DKK2: variants seen among roughly 807,000 people sequenced by gnomAD.
DKK2 encodes the protein dickkopf Wnt signaling pathway inhibitor 2.
DKK2 carries 11 observed loss-of-function variants against 28.1 expected under a neutral mutation model. The ratio of observed to expected loss-of-function variants is 0.39; its 90% CI spans 0.25 to 0.65. DKK2 has a LOEUF of 0.65. Among genes scored for constraint, DKK2 ranks in the 30% least tolerant of loss-of-function variants. DKK2 has a pLI of 0.47. For synonymous variants in DKK2, 135 were observed against 126.5 expected, an observed-to-expected ratio of 1.07 and a Z score of -0.45; for missense variants, 326 against 335.5, an observed-to-expected ratio of 0.97 and a Z score of 0.22.
At chr4:106,938,443 C>A (rs533000146) in intron 1 of DKK2, among the ~76,000 whole-genome samples, 8 of 152,104 alleles carry the variant, frequency 5.3e-5, no homozygotes, top group Non-Finnish European at 1.2e-4. Context: ...TCTGAATAGA[C>A]CAATAACAGG....
At chr4:106,950,371 T>C (rs1724841307) in intron 1 of DKK2, among the ~76,000 whole-genome samples, 1 of 152,180 alleles carries the variant, frequency 6.6e-6, no homozygotes, top group Admixed American at 6.6e-5. Flanking sequence ...TGTGCATTGC[T>C]GCCACTCTAT....
chr4:106,924,975 G>A (rs1724405599), intron 2 of DKK2, among the ~76,000 whole-genome samples: 1 of 152,152 alleles, frequency 6.6e-6, no homozygotes, highest in Non-Finnish European at 1.5e-5. Context: ...CAAAGTTATT[G>A]TGAATATATG....
intron 1 of DKK2, among the ~76,000 whole-genome samples, chr4:106,955,877 GCACTCC>G (rs1394238102): frequency 6.6e-6 from 1 of 152,084 alleles, no homozygotes; most frequent in Non-Finnish European, 1.5e-5. Flanking sequence ...CCCTCCTCCT[GCACTCC>G]AGCTTAGAAA....
At chr4:106,944,304 C>T (rs933681064) in intron 1 of DKK2, among the ~76,000 whole-genome samples, 4 of 152,076 alleles carry the variant, frequency 2.6e-5, no homozygotes, top group African/African-American at 9.7e-5. Context: ...ACAAGGTTCT[C>T]ACCAGCTATG....
intron 1 of DKK2, among the ~76,000 whole-genome samples, chr4:106,939,029 GCATTCC>G (rs1724647119): frequency 6.6e-6 from 1 of 152,030 alleles, no homozygotes; most frequent in Non-Finnish European, 1.5e-5. Context: ...AAAACTGGAA[GCATTCC>G]CATTGAAAAC....
chr4:106,991,328 C>T (rs1723200590), intron 1 of DKK2, among the ~76,000 whole-genome samples: 1 of 152,056 alleles, frequency 6.6e-6, no homozygotes, highest in Admixed American at 6.6e-5. Flanking sequence ...TTAGTTCCAT[C>T]CCACTGCAGT....
In DKK2 at chr4:106,923,736, A is replaced by G; in HGVS notation, c.*218T>C. 1.7e-6 allele frequency: 1 copy of G among 588,126 alleles called. No individual in the cohort carries two copies. The allele number at this position is 588,126 out of a possible 1,614,324, so 36.4% of individuals were successfully genotyped here. On this transcript the variant is annotated 3_prime_UTR_variant, in exon 4 of 4. Coordinates refer to ENST00000285311, the MANE Select transcript of DKK2 (RefSeq NM_014421.3). ...ACAAATGTGTACATTATTTACATAG[A>G]CAAGTTGCATAATGGAAACACTGGC...
chr4:106,960,676 C>A (rs1476546730), intron 1 of DKK2, among the ~76,000 whole-genome samples: 2 of 152,160 alleles, frequency 1.3e-5, no homozygotes, highest in Non-Finnish European at 2.9e-5. Context: ...CTAAGACACA[C>A]TGCCTGAAAT....
At chr4:106,952,433 T>C (rs1480750229) in intron 1 of DKK2, among the ~76,000 whole-genome samples, 1 of 152,164 alleles carries the variant, frequency 6.6e-6, no homozygotes, top group East Asian at 1.9e-4. Flanking sequence ...AGAACTTTCT[T>C]AAGCCATAGA....
intron 1 of DKK2, among the ~76,000 whole-genome samples, chr4:107,006,438 A>G (rs1393340127): frequency 6.6e-6 from 1 of 152,146 alleles, no homozygotes; most frequent in Non-Finnish European, 1.5e-5. Context: ...TGCACTTAGC[A>G]GCACCTGGTT....
chr4:106,933,923 A>T (rs75729305), intron 1 of DKK2, among the ~76,000 whole-genome samples: 9,376 of 152,190 alleles, frequency 0.062, 317 homozygotes, highest in Non-Finnish European at 0.074. Context: ...AATTTTTAAC[A>T]TATGGGTTCA....
intron 1 of DKK2, among the ~76,000 whole-genome samples, chr4:106,960,408 T>C (rs1722669538): frequency 6.6e-6 from 1 of 152,016 alleles, no homozygotes; most frequent in South Asian, 2.1e-4. Context: ...GAATGGATAC[T>C]GGAGACTCAG....
chr4:106,948,904 C>T (rs1356432017), intron 1 of DKK2, among the ~76,000 whole-genome samples: 1 of 152,114 alleles, frequency 6.6e-6, no homozygotes, highest in Non-Finnish European at 1.5e-5. Flanking sequence ...AGATTTCATG[C>T]CAGTGTCCTA....
At chr4:107,023,271 A>G (rs1022076241) in intron 1 of DKK2, among the ~76,000 whole-genome samples, 7 of 152,142 alleles carry the variant, frequency 4.6e-5, no homozygotes, top group Non-Finnish European at 8.8e-5. Context: ...GCTGGATAAA[A>G]TTAAGAGTTT....
In DKK2 at chr4:106,923,906, A is replaced by C. The variant is rs71601035; in HGVS notation, c.*48T>G. 13 of 1,602,438 alleles carry C rather than the reference A, an allele frequency of 8.1e-6. No homozygotes were observed. The highest frequency in any genetic ancestry group is 1.1e-5 in the Non-Finnish European group (13 of 1,171,250). On this transcript the variant is annotated 3_prime_UTR_variant, in exon 4 of 4. Coordinates refer to ENST00000285311, the MANE Select transcript of DKK2 (RefSeq NM_014421.3). ...ATTTTCCACCATGCTATAATGCATT[A>C]AATACACAACTTCACAGTCTGCAAT...
At position 106,922,194 on chromosome 4, in the gene DKK2, T is replaced by C. The variant is rs1724355638; in HGVS notation, c.*1760A>G. The C allele has an allele frequency of 1.3e-5, 2 of 152,350 alleles. No homozygotes were observed. The highest frequency in any genetic ancestry group is 1.5e-5 in the Non-Finnish European group (1 of 68,018). 9.4% of individuals were successfully genotyped at this position (152,350 alleles called of 1,614,324 possible). On this transcript the variant is annotated 3_prime_UTR_variant, in exon 4 of 4. Coordinates refer to ENST00000285311, the MANE Select transcript of DKK2 (RefSeq NM_014421.3). Reference sequence around the variant, plus strand: ...TAAGTCTTAATCATCTTAGTAAATATATGTGGGAAGTTGAAATTTTTAATA... The same window carrying C: ...TAAGTCTTAATCATCTTAGTAAATACATGTGGGAAGTTGAAATTTTTAATA...
chr4:106,963,305 A>C (rs1210063786), intron 1 of DKK2, among the ~76,000 whole-genome samples: 1 of 151,896 alleles, frequency 6.6e-6, no homozygotes, highest in African/African-American at 2.4e-5. Context: ...GTGAGCCAAG[A>C]TCGCACCATT....
chr4:107,022,883 T>C (rs1254919160), intron 1 of DKK2, among the ~76,000 whole-genome samples: 1 of 152,098 alleles, frequency 6.6e-6, no homozygotes, highest in Non-Finnish European at 1.5e-5. Flanking sequence ...CTAGATTGTT[T>C]CTAACTTGGT....
intron 1 of DKK2, among the ~76,000 whole-genome samples, chr4:106,967,560 G>A (rs1023087348): frequency 6.6e-6 from 1 of 152,118 alleles, no homozygotes; most frequent in African/African-American, 2.4e-5. Context: ...ATTGGCCTTT[G>A]CCCTGGAAGA....
Sources: allele counts gnomAD v4.1 joint callset (sites outside exome capture counted in the v4.1 genomes callset), GRCh38; gene constraint gnomAD v4.1.1; transcripts MANE v1.5; gene names NCBI Gene and HGNC (gene_info 2026-07-23, HGNC 2026-07-21).